Variants in CCDC171 observed in about 807,000 individuals in gnomAD.
CCDC171 encodes the protein coiled-coil domain-containing protein 171.
Under a neutral mutation model 168.2 loss-of-function variants are expected in CCDC171, and 177 were observed. The ratio of observed to expected loss-of-function variants is 1.05; its 90% CI spans 0.93 to 1.19. CCDC171 has a LOEUF of 1.19. CCDC171 is among the 50% of genes most tolerant of loss of function. The pLI is 0.00. For missense variants in CCDC171, 1,991 were observed against 1,539.0 expected, an observed-to-expected ratio of 1.29 and a Z score of -4.91; for synonymous variants, 687 against 540.8, an observed-to-expected ratio of 1.27 and a Z score of -3.75.
intron 8 of CCDC171, among the ~76,000 whole-genome samples, chr9:15,660,048 C>A (rs2048203290): frequency 6.6e-6 from 1 of 152,034 alleles, no homozygotes; most frequent in Non-Finnish European, 1.5e-5. Context: ...TTAATTAATG[C>A]AATTTATAGT....
chr9:16,034,388 A>G (rs1389192851), intron 6 of CCDC171, among the ~76,000 whole-genome samples: 4 of 152,224 alleles, frequency 2.6e-5, no homozygotes, highest in Non-Finnish European at 4.4e-5. Context: ...TACTAGAATA[A>G]TAGTAGTCTG....
intron 11 of CCDC171, among the ~76,000 whole-genome samples, chr9:15,720,790 T>C (rs1053382711): frequency 6.6e-6 from 1 of 152,170 alleles, no homozygotes; most frequent in Non-Finnish European, 1.5e-5. Flanking sequence ...GCTGCACCCA[T>C]TAACTCGTCA....
At chr9:15,794,319 G>A (rs1014023207) in intron 21 of CCDC171, among the ~76,000 whole-genome samples, 1 of 151,930 alleles carries the variant, frequency 6.6e-6, no homozygotes, top group Non-Finnish European at 1.5e-5. Flanking sequence ...ACAAAAATTA[G>A]CCAGGCATGT....
intron 3 of CCDC171, among the ~76,000 whole-genome samples, chr9:15,576,133 T>TTGTGTG (rs202239015): frequency 0.033 from 4,869 of 145,422 alleles, 245 homozygotes; most frequent in African/African-American, 0.12. Context: ...CATATTTCAG[T>TTGTGTG]TGTGTGTGTG....
intron 23 of CCDC171, among the ~76,000 whole-genome samples, chr9:15,862,552 C>G (rs2061604929): frequency 6.6e-6 from 1 of 151,410 alleles, no homozygotes; most frequent in South Asian, 2.1e-4. Flanking sequence ...AGAGTTTTAT[C>G]TTGTTCCTTT....
At chr9:15,770,874 A>G (rs1273768293) in intron 18 of CCDC171, among the ~76,000 whole-genome samples, 1 of 152,204 alleles carries the variant, frequency 6.6e-6, no homozygotes, top group Non-Finnish European at 1.5e-5. Flanking sequence ...CATTCTTAAC[A>G]TTTTGATGAT....
intron 4 of CCDC171, among the ~76,000 whole-genome samples, chr9:16,022,039 C>G (rs531093582): frequency 6.6e-6 from 1 of 151,980 alleles, no homozygotes; most frequent in Non-Finnish European, 1.5e-5. Context: ...TATCTAGGAC[C>G]CAGGGAGAGA....
At chr9:15,952,682 C>G (rs1440162775) in intron 25 of CCDC171, among the ~76,000 whole-genome samples, 1 of 152,114 alleles carries the variant, frequency 6.6e-6, no homozygotes, top group Non-Finnish European at 1.5e-5. Context: ...CAGGCATGAG[C>G]CACCGCGCGC....
chr9:15,678,607 G>C (rs552578703), intron 9 of CCDC171, 151 bp from the exon 10 acceptor site: 9 of 527,122 alleles, frequency 1.7e-5, no homozygotes, highest in Non-Finnish European at 2.6e-5. Context: ...AGAATATTCA[G>C]TACTTTTTGT....
chr9:15,948,353 G>C (rs1828690763), intron 25 of CCDC171, among the ~76,000 whole-genome samples: 1 of 140,886 alleles, frequency 7.1e-6, no homozygotes, highest in African/African-American at 2.6e-5. Context: ...TAATGGGATG[G>C]CTGGGTCAGA....
At chr9:15,833,008 G>A (rs2060298848) in intron 21 of CCDC171, among the ~76,000 whole-genome samples, 1 of 110,380 alleles carries the variant, frequency 9.1e-6, no homozygotes, top group Non-Finnish European at 1.7e-5. Context: ...TTTTTTTTGA[G>A]ATGGAGTCCT....
At chr9:15,933,376 C>T (rs975414902) in intron 25 of CCDC171, among the ~76,000 whole-genome samples, 2 of 151,830 alleles carry the variant, frequency 1.3e-5, no homozygotes, top group South Asian at 4.2e-4. Context: ...TCTTTTTAAT[C>T]TCTGATATTA....
the CCDC171 span, among the ~76,000 whole-genome samples, chr9:16,099,980 C>T: frequency 1.1e-4 from 17 of 150,794 alleles, no homozygotes; most frequent in South Asian, 3.4e-3. Context: ...GAAACCAACG[C>T]TGTATGGAGA....
chr9:15,584,963 A>T (rs1326620593), intron 4 of CCDC171, among the ~76,000 whole-genome samples: 1 of 152,230 alleles, frequency 6.6e-6, no homozygotes, highest in Non-Finnish European at 1.5e-5. Context: ...ACAGAGTAAG[A>T]TAGAGAGATG....
intron 25 of CCDC171, among the ~76,000 whole-genome samples, chr9:15,953,599 T>G (rs1829451937): frequency 6.6e-6 from 1 of 152,186 alleles, no homozygotes; most frequent in Non-Finnish European, 1.5e-5. Flanking sequence ...TGAGGATTTT[T>G]GGGTCTATAT....
the CCDC171 span, among the ~76,000 whole-genome samples, chr9:16,104,820 C>G: frequency 6.6e-6 from 1 of 151,900 alleles, no homozygotes; most frequent in African/African-American, 2.4e-5. Context: ...GAATGATGAC[C>G]AAATATAGAT....
chr9:15,632,184 G>T (rs1564094752), intron 7 of CCDC171, among the ~76,000 whole-genome samples: 1 of 146,280 alleles, frequency 6.8e-6, no homozygotes, highest in Admixed American at 7.1e-5. Flanking sequence ...AATTAGGCAG[G>T]AGAAGGAAAT....
At chr9:16,033,774 A>G (rs1833410612) in intron 6 of CCDC171, among the ~76,000 whole-genome samples, 1 of 149,922 alleles carries the variant, frequency 6.7e-6, no homozygotes, top group Non-Finnish European at 1.5e-5. Context: ...TTACTGTATT[A>G]ACCTCCCATA....
chr9:15,590,832 T>TCTTTCTTTCTTC (rs1218286769), intron 4 of CCDC171, among the ~76,000 whole-genome samples: 2 of 143,826 alleles, frequency 1.4e-5, no homozygotes, highest in East Asian at 3.9e-4. Context: ...TTTCTTTCTT[T>TCTTTCTTTCTTC]CTTCTTCTTT....
Sources: allele counts gnomAD v4.1 joint callset (sites outside exome capture counted in the v4.1 genomes callset), GRCh38; gene constraint gnomAD v4.1.1; transcripts MANE v1.5; gene names NCBI Gene and HGNC (gene_info 2026-07-23, HGNC 2026-07-21).